The following KDM4C variants were observed in gnomAD, a reference collection of about 807,000 sequenced individuals.
KDM4C encodes lysine demethylase 4C, also known as lysine-specific demethylase 4C.
A neutral mutation model predicts 129.3 loss-of-function variants in KDM4C; 81 were observed. That is an observed-to-expected ratio of 0.63 (90% confidence interval 0.52 to 0.75). The LOEUF (loss-of-function observed/expected upper bound fraction) is 0.75, where lower values mean the gene tolerates loss of function less well. Ranked by LOEUF, KDM4C falls within the 30% of genes least tolerant of loss-of-function variation. The pLI is 0.00. For synonymous variants in KDM4C, 573 were observed against 456.1 expected (o/e 1.26, Z -3.26); for missense variants, 1,457 against 1,304.0 (o/e 1.12, Z -1.81).
chr9:7,167,948 G>A (rs1370063753), intron 20 of KDM4C, among the ~76,000 whole-genome samples: 2 of 152,196 alleles, frequency 1.3e-5, no homozygotes. Flanking sequence ...TTGGAAGGCC[G>A]AGGCAGGCAG....
At chr9:6,852,797 C>G (rs977833913) in intron 5 of KDM4C, among the ~76,000 whole-genome samples, 1 of 152,156 alleles carries the variant, frequency 6.6e-6, no homozygotes, top group Non-Finnish European at 1.5e-5. Context: ...GCCTACGATT[C>G]CCTCCTTACT....
At chr9:6,784,617 C>T (rs1825080728) in intron 1 of KDM4C, among the ~76,000 whole-genome samples, 1 of 152,214 alleles carries the variant, frequency 6.6e-6, no homozygotes, top group South Asian at 2.1e-4. Flanking sequence ...GAACTATCTC[C>T]TTGAGTCTGC....
intron 18 of KDM4C, among the ~76,000 whole-genome samples, chr9:7,112,872 G>A (rs1240840941): frequency 6.6e-6 from 1 of 152,078 alleles, no homozygotes; most frequent in African/African-American, 2.4e-5. Flanking sequence ...AAGATCCTGG[G>A]TGTCTTTATG....
chr9:7,037,915 A>G (rs1048963594), intron 15 of KDM4C, among the ~76,000 whole-genome samples: 1 of 152,076 alleles, frequency 6.6e-6, no homozygotes, highest in African/African-American at 2.4e-5. Context: ...GAATCATTTT[A>G]TGCTGGGTGT....
At chr9:6,875,875 A>C (rs1283978820) in intron 5 of KDM4C, among the ~76,000 whole-genome samples, 1 of 152,182 alleles carries the variant, frequency 6.6e-6, no homozygotes, top group Non-Finnish European at 1.5e-5. Context: ...GATTGTTTTA[A>C]AGTGATTCTT....
intron 3 of KDM4C, among the ~76,000 whole-genome samples, chr9:6,809,366 A>C (rs144475938): frequency 2.1e-4 from 32 of 152,354 alleles, no homozygotes; most frequent in African/African-American, 7.5e-4. Context: ...TTACAAGTAT[A>C]AACTATTGAC....
intron 1 of KDM4C, among the ~76,000 whole-genome samples, chr9:6,786,828 C>T (rs2130816744): frequency 6.6e-6 from 1 of 152,160 alleles, no homozygotes; most frequent in East Asian, 1.9e-4. Context: ...AAAAGAAATG[C>T]AAATGGCTAT....
At chr9:6,747,888 A>G (rs1588061440) in intron 1 of KDM4C, among the ~76,000 whole-genome samples, 1 of 152,164 alleles carries the variant, frequency 6.6e-6, no homozygotes, top group Non-Finnish European at 1.5e-5. Flanking sequence ...TTTCTAGGAA[A>G]GAACAGAGGC....
intron 8 of KDM4C, among the ~76,000 whole-genome samples, chr9:6,950,920 A>G (rs1457512951): frequency 6.6e-6 from 1 of 152,202 alleles, no homozygotes; most frequent in Non-Finnish European, 1.5e-5. Context: ...TGTTTCAGAT[A>G]ACAGAAAATA....
intron 15 of KDM4C, among the ~76,000 whole-genome samples, chr9:7,032,602 G>A (rs374015793): frequency 1.1e-4 from 16 of 152,116 alleles, no homozygotes; most frequent in African/African-American, 3.6e-4. Context: ...GGAATTCTTC[G>A]TCTATCTCAG....
chr9:6,933,871 A>G (rs181595578), intron 8 of KDM4C, among the ~76,000 whole-genome samples: 384 of 147,370 alleles, frequency 2.6e-3, no homozygotes, highest in African/African-American at 9.2e-3. Context: ...TTTTTTTGAG[A>G]TGGAGTCTCA....
intron 1 of KDM4C, among the ~76,000 whole-genome samples, chr9:6,731,390 G>A (rs753455024): frequency 7.3e-5 from 10 of 137,152 alleles, no homozygotes; most frequent in Non-Finnish European, 1.4e-4. Context: ...GCAATGGCAC[G>A]ATCTCAGCTC....
intron 12 of KDM4C, among the ~76,000 whole-genome samples, chr9:6,991,561 T>C (rs1818751236): frequency 6.6e-6 from 1 of 152,208 alleles, no homozygotes; most frequent in South Asian, 2.1e-4. Flanking sequence ...CTCTGAAGTA[T>C]TCTCCAGTTT....
At chr9:6,971,954 C>G (rs1310023973) in intron 8 of KDM4C, among the ~76,000 whole-genome samples, 1 of 152,078 alleles carries the variant, frequency 6.6e-6, no homozygotes, top group East Asian at 1.9e-4. Context: ...GGAGCATATA[C>G]TATGTAATGA....
At chr9:7,105,850 C>T (rs1205744987) in intron 18 of KDM4C, among the ~76,000 whole-genome samples, 2 of 152,134 alleles carry the variant, frequency 1.3e-5, no homozygotes, top group Admixed American at 1.3e-4. Flanking sequence ...TAATGTGTTT[C>T]CTAAATGATG....
In KDM4C at chr9:6,841,521, G is replaced by A. The variant is rs544339339; in HGVS notation, c.436-7986G>A. Among the ~76,000 whole-genome samples, 9 of 152,250 alleles carry A rather than the reference G, an allele frequency of 5.9e-5. No individual in the cohort carries two copies. The South Asian group carries it at 1.2e-3, about 21-fold the overall frequency. On this transcript the variant is annotated intron_variant, in intron 4 of 21. Coordinates refer to ENST00000381309, the MANE Select transcript of KDM4C (RefSeq NM_015061.6). ...CATAAAAATATGATTAGTAATAATCGTGTGTATCAGTTTATCAATTTTTCT... is the reference window on the plus strand; with the variant it reads ...CATAAAAATATGATTAGTAATAATCATGTGTATCAGTTTATCAATTTTTCT...
chr9:6,914,623 C>G (rs1819974792), intron 8 of KDM4C, among the ~76,000 whole-genome samples: 1 of 152,220 alleles, frequency 6.6e-6, no homozygotes, highest in African/African-American at 2.4e-5. Context: ...AGTGATGAAA[C>G]TTAAACCCCA....
intron 5 of KDM4C, among the ~76,000 whole-genome samples, chr9:6,867,292 G>C (rs1842191568): frequency 6.6e-6 from 1 of 152,162 alleles, no homozygotes; most frequent in Non-Finnish European, 1.5e-5. Flanking sequence ...GGGATTACAG[G>C]CGTGAGCCGC....
chr9:7,084,426 T>A (rs1238775642), intron 17 of KDM4C, among the ~76,000 whole-genome samples: 1 of 152,210 alleles, frequency 6.6e-6, no homozygotes, highest in Non-Finnish European at 1.5e-5. Context: ...ATAGATAGTC[T>A]ATTATGAAGT....
Sources: allele counts gnomAD v4.1 joint callset (sites outside exome capture counted in the v4.1 genomes callset), GRCh38; gene constraint gnomAD v4.1.1; transcripts MANE v1.5; gene names NCBI Gene and HGNC (gene_info 2026-07-23, HGNC 2026-07-21).